DSCAM: variants seen among roughly 807,000 people sequenced by gnomAD.
The protein encoded by DSCAM is cell adhesion molecule DSCAM.
Under a neutral mutation model 217.7 loss-of-function variants are expected in DSCAM, and 47 were observed. The observed-to-expected ratio is 0.22, with a 90% confidence interval of 0.17 to 0.28. DSCAM has a LOEUF of 0.28. Among genes scored for constraint, DSCAM ranks in the 10% least tolerant of loss-of-function variants. DSCAM has a pLI of 1.00. For synonymous variants in DSCAM, 1,056 were observed against 1,015.3 expected (o/e 1.04, Z -0.76); for missense variants, 2,080 against 2,618.3 (o/e 0.79, Z 4.49).
chr21:40,498,759 G>C (rs1465977244), intron 3 of DSCAM, among the ~76,000 whole-genome samples: 1 of 18,326 alleles, frequency 5.5e-5, no homozygotes, highest in East Asian at 1.1e-3. Context: ...ATATATATGG[G>C]TGTATATATA....
chr21:40,617,197 C>T (rs1212850156), intron 3 of DSCAM, among the ~76,000 whole-genome samples: 1 of 143,402 alleles, frequency 7.0e-6, no homozygotes, highest in East Asian at 2.3e-4. Flanking sequence ...AATCTCGGCT[C>T]ACTGCAAGCT....
intron 3 of DSCAM, among the ~76,000 whole-genome samples, chr21:40,620,311 AGAGAAAGAG>A (rs2089486252): frequency 6.8e-6 from 1 of 147,396 alleles, no homozygotes; most frequent in African/African-American, 2.5e-5. Flanking sequence ...AGAAAGAGAG[AGAGAAAGAG>A]AGAGAAAAAA....
chr21:40,790,463 A>G (rs879465912), intron 1 of DSCAM, among the ~76,000 whole-genome samples: 2 of 152,172 alleles, frequency 1.3e-5, no homozygotes, highest in African/African-American at 2.4e-5. Context: ...AGTTTACTTT[A>G]TCTTACCCTT....
At chr21:40,026,138 T>A (rs13051461) in intron 32 of DSCAM, among the ~76,000 whole-genome samples, 75,790 of 133,666 alleles carry the variant, frequency 0.57, 25,810 homozygotes, top group African/African-American at 0.62. Context: ...TACCCAGTAG[T>A]CATTCAGGAG....
intron 3 of DSCAM, among the ~76,000 whole-genome samples, chr21:40,434,568 G>T (rs2075566038): frequency 6.6e-6 from 1 of 152,136 alleles, no homozygotes; most frequent in East Asian, 1.9e-4. Context: ...TCTCATAATG[G>T]TGCATTATGC....
intron 20 of DSCAM, among the ~76,000 whole-genome samples, chr21:40,122,880 A>G: frequency 6.6e-6 from 1 of 152,170 alleles, no homozygotes; most frequent in East Asian, 1.9e-4. Context: ...CCTCAGGGGC[A>G]CCTGTGGACT....
chr21:40,306,260 T>G (rs2074074981), intron 9 of DSCAM, among the ~76,000 whole-genome samples: 1 of 144,978 alleles, frequency 6.9e-6, no homozygotes, highest in Non-Finnish European at 1.5e-5. Context: ...TATTGGTATA[T>G]AAGAATGCTT....
chr21:40,673,720 C>T (rs2090304490), intron 3 of DSCAM, among the ~76,000 whole-genome samples: 1 of 152,010 alleles, frequency 6.6e-6, no homozygotes, highest in African/African-American at 2.4e-5. Flanking sequence ...CTCATGGGAC[C>T]TGGTTGTTTA....
intron 3 of DSCAM, among the ~76,000 whole-genome samples, chr21:40,497,447 G>T (rs2076127980): frequency 6.6e-6 from 1 of 151,896 alleles, no homozygotes; most frequent in African/African-American, 2.4e-5. Flanking sequence ...TGAGTAGAAT[G>T]GTGGTTTCCA....
At chr21:40,706,093 C>T (rs2090713227) in intron 2 of DSCAM, among the ~76,000 whole-genome samples, 2 of 150,470 alleles carry the variant, frequency 1.3e-5, no homozygotes, top group African/African-American at 2.5e-5. Context: ...GGCAGGAAAA[C>T]GGCGTGAACC....
chr21:40,787,733 A>G (rs1238690063), intron 1 of DSCAM, among the ~76,000 whole-genome samples: 1 of 152,198 alleles, frequency 6.6e-6, no homozygotes, highest in Non-Finnish European at 1.5e-5. Flanking sequence ...GGCAACCATT[A>G]TAAGTACATT....
chr21:40,656,949 G>A (rs181034550), intron 3 of DSCAM, among the ~76,000 whole-genome samples: 66 of 152,324 alleles, frequency 4.3e-4, no homozygotes, highest in Admixed American at 4.0e-3. Flanking sequence ...ATGAAGCATT[G>A]TTCCACCTTA....
At chr21:40,594,221 C>T (rs1339073470) in intron 3 of DSCAM, among the ~76,000 whole-genome samples, 4 of 152,136 alleles carry the variant, frequency 2.6e-5, no homozygotes, top group Non-Finnish European at 5.9e-5. Context: ...AAATATTAAT[C>T]AATCCTAGAT....
intron 26 of DSCAM, 86 bp from the exon 27 acceptor site, chr21:40,075,299 C>T (rs1294050329): frequency 1.3e-5 from 19 of 1,440,978 alleles, no homozygotes; most frequent in Non-Finnish European, 1.2e-5. Context: ...AAAAATCGCG[C>T]TGTGTGATCC....
intron 3 of DSCAM, among the ~76,000 whole-genome samples, chr21:40,675,013 A>AC (rs2090321514): frequency 8.3e-6 from 1 of 120,502 alleles, no homozygotes; most frequent in Admixed American, 8.3e-5. Context: ...CTCATTATAT[A>AC]AACACACACA....
intron 1 of DSCAM, among the ~76,000 whole-genome samples, chr21:40,777,671 T>A (rs1601246974): frequency 2.0e-5 from 3 of 151,908 alleles, no homozygotes; most frequent in Admixed American, 6.6e-5. Flanking sequence ...AAATACAGAA[T>A]GAGAAGACTA....
Position 40,793,900 on chromosome 21 carries a change from C to T in DSCAM, c.43+52719G>A, listed in dbSNP as rs141843756. On this transcript the variant is annotated intron_variant, in intron 1 of 32. Transcript: ENST00000400454. ...ATAAGAAGCACAAAAACCTACTCTACGGTTTTAATATGAAATCCAGAGAGA... is the reference window on the plus strand; with the variant it reads ...ATAAGAAGCACAAAAACCTACTCTATGGTTTTAATATGAAATCCAGAGAGA... Among the ~76,000 whole-genome samples the T allele has an allele frequency of 5.3e-3, 812 of 152,254 alleles. 12 individuals are homozygous for T. Among genetic ancestry groups the T allele is most frequent in the African/African-American group, 0.018 (748 of 41,530 alleles).
At chr21:40,073,349 ACAT>A in intron 27 of DSCAM, among the ~76,000 whole-genome samples, 1 of 152,324 alleles carries the variant, frequency 6.6e-6, no homozygotes, top group Non-Finnish European at 1.5e-5. Flanking sequence ...GTTTTTAGAA[ACAT>A]CATACAGACA....
At chr21:40,770,330 T>A (rs965602287) in intron 1 of DSCAM, among the ~76,000 whole-genome samples, 1 of 152,206 alleles carries the variant, frequency 6.6e-6, no homozygotes, top group Non-Finnish European at 1.5e-5. Flanking sequence ...ATTTTCTTTC[T>A]CTATTGGCAT....
Sources: gnomAD v4.1 joint callset for allele counts (sites outside exome capture counted in the v4.1 genomes callset) on GRCh38, gnomAD v4.1.1 for gene constraint, MANE v1.5 for transcripts, NCBI Gene and HGNC (gene_info 2026-07-23, HGNC 2026-07-21) for gene names.